The following MAGI1 variants were observed in gnomAD, a reference collection of about 807,000 sequenced individuals.
MAGI1 encodes the protein membrane associated guanylate kinase, WW and PDZ domain containing 1.
Under a neutral mutation model 139.9 loss-of-function variants are expected in MAGI1, and 58 were observed. The ratio of observed to expected loss-of-function variants is 0.41; its 90% confidence interval spans 0.34 to 0.52. MAGI1 has a LOEUF of 0.52. MAGI1 is among the 20% of genes least tolerant of loss of function. The probability of loss-of-function intolerance (pLI) is 0.12; values close to 1 mark genes in which losing one functional copy is unlikely to be tolerated. For missense variants in MAGI1, 1,874 were observed against 1,901.6 expected (o/e 0.99, Z 0.27); for synonymous variants, 812 against 737.9 (o/e 1.10, Z -1.63).
intron 1 of MAGI1, among the ~76,000 whole-genome samples, chr3:65,784,297 C>A (rs539695275): frequency 3.3e-5 from 5 of 152,262 alleles, no homozygotes; most frequent in Non-Finnish European, 7.4e-5. Context: ...TCTAGGTATG[C>A]ATACAAGAGA....
intron 1 of MAGI1, among the ~76,000 whole-genome samples, chr3:65,821,647 T>C (rs1389009921): frequency 6.6e-6 from 1 of 152,202 alleles, no homozygotes; most frequent in East Asian, 1.9e-4. Flanking sequence ...CTAGCAGCTA[T>C]TATGACAAAG....
At chr3:66,022,792 TGTACCTAGA>T (rs2068030880) in intron 1 of MAGI1, among the ~76,000 whole-genome samples, 1 of 152,228 alleles carries the variant, frequency 6.6e-6, no homozygotes, top group Non-Finnish European at 1.5e-5. Context: ...TTATCACATA[TGTACCTAGA>T]GTTCACTTAG....
At chr3:65,638,600 T>TTTTTC (rs1559744631) in intron 1 of MAGI1, among the ~76,000 whole-genome samples, 1 of 63,084 alleles carries the variant, frequency 1.6e-5, no homozygotes, top group Non-Finnish European at 2.8e-5. Flanking sequence ...TCTCCTGATT[T>TTTTTC]TTTTTTTTTT....
chr3:65,381,329 T>C (rs2106900265), intron 16 of MAGI1, among the ~76,000 whole-genome samples: 1 of 152,214 alleles, frequency 6.6e-6, no homozygotes, highest in Middle Eastern at 3.4e-3. Flanking sequence ...GGATATGTAG[T>C]ATTTTGAGAA....
At chr3:65,497,878 T>G (rs2204402) in intron 2 of MAGI1, among the ~76,000 whole-genome samples, 84,881 of 151,936 alleles carry the variant, frequency 0.56, 25,096 homozygotes, top group East Asian at 0.95. Context: ...TAGAGCAGCA[T>G]GGGAAGGGAG....
At chr3:65,566,852 C>T (rs1194457727) in intron 2 of MAGI1, among the ~76,000 whole-genome samples, 1 of 149,130 alleles carries the variant, frequency 6.7e-6, no homozygotes. Context: ...CCGCCTGGGC[C>T]TCCCAAAGTG....
At chr3:65,768,246 C>A (rs957477580) in intron 1 of MAGI1, among the ~76,000 whole-genome samples, 3 of 152,098 alleles carry the variant, frequency 2.0e-5, no homozygotes, top group Non-Finnish European at 4.4e-5. Flanking sequence ...TTGACAAAAC[C>A]TCGTCTCTAC....
chr3:65,941,210 G>A (rs1010182588), intron 1 of MAGI1, among the ~76,000 whole-genome samples: 1 of 152,182 alleles, frequency 6.6e-6, no homozygotes, highest in East Asian at 1.9e-4. Flanking sequence ...AGCTGAGCAT[G>A]GTAGCAGGTG....
chr3:65,454,432 G>A (rs918525539), intron 5 of MAGI1, among the ~76,000 whole-genome samples: 30 of 151,604 alleles, frequency 2.0e-4, no homozygotes, highest in African/African-American at 6.8e-4. Context: ...CCTAATGCTA[G>A]ATGACAAGTT....
intron 1 of MAGI1, among the ~76,000 whole-genome samples, chr3:65,629,506 A>T (rs1369699050): frequency 1.3e-5 from 2 of 152,024 alleles, no homozygotes; most frequent in East Asian, 3.9e-4. Context: ...TTGTAGGAAA[A>T]GTCCATTTAT....
intron 1 of MAGI1, among the ~76,000 whole-genome samples, chr3:66,032,914 C>CAAAAAAAAA (rs58736926): frequency 2.7e-5 from 3 of 110,292 alleles, no homozygotes; most frequent in Non-Finnish European, 3.7e-5. Flanking sequence ...AACTCCATCT[C>CAAAAAAAAA]AAAAAAAAAA....
At chr3:65,532,140 A>C (rs2078743534) in intron 2 of MAGI1, among the ~76,000 whole-genome samples, 1 of 152,194 alleles carries the variant, frequency 6.6e-6, no homozygotes, top group Non-Finnish European at 1.5e-5. Flanking sequence ...CTAAATCCTA[A>C]ACCAAATCAT....
At chr3:65,485,151 C>T (rs577182065) in intron 3 of MAGI1, among the ~76,000 whole-genome samples, 29 of 152,280 alleles carry the variant, frequency 1.9e-4, no homozygotes, top group Admixed American at 1.2e-3. Flanking sequence ...TCTTTCCAGT[C>T]GGTCAATTAC....
At chr3:65,996,340 T>G (rs972609204) in intron 1 of MAGI1, among the ~76,000 whole-genome samples, 1 of 152,318 alleles carries the variant, frequency 6.6e-6, no homozygotes, top group East Asian at 1.9e-4. Context: ...CTTTTTATAC[T>G]GCACCTAACC....
chr3:65,905,142 GT>G (rs1297420985), intron 1 of MAGI1, among the ~76,000 whole-genome samples: 1 of 152,112 alleles, frequency 6.6e-6, no homozygotes, highest in African/African-American at 2.4e-5. Context: ...ATTAAATCTG[GT>G]TTATGTGATT....
chr3:65,937,252 G>GCAAACAGCCTGACA (rs941373640), intron 1 of MAGI1, among the ~76,000 whole-genome samples: 1 of 150,600 alleles, frequency 6.6e-6, no homozygotes, highest in Admixed American at 6.6e-5. Context: ...CAAACACCTT[G>GCAAACAGCCTGACA]AAAACTCTTG....
intron 1 of MAGI1, among the ~76,000 whole-genome samples, chr3:65,742,656 A>G (rs1222741411): frequency 6.6e-6 from 1 of 152,200 alleles, no homozygotes; most frequent in Non-Finnish European, 1.5e-5. Flanking sequence ...GACTTTATTC[A>G]AGACGCCACC....
chr3:65,743,767 G>C (rs1231402088), intron 1 of MAGI1, among the ~76,000 whole-genome samples: 2 of 151,592 alleles, frequency 1.3e-5, no homozygotes. Flanking sequence ...TTTTGTTAAA[G>C]TAATTATTTA....
At chr3:65,727,154 G>A (rs2033712062) in intron 1 of MAGI1, among the ~76,000 whole-genome samples, 1 of 151,942 alleles carries the variant, frequency 6.6e-6, no homozygotes, top group African/African-American at 2.4e-5. Context: ...CTTCACTGTA[G>A]GATTTACAAA....
Sources: allele counts gnomAD v4.1 joint callset (sites outside exome capture counted in the v4.1 genomes callset), GRCh38; gene constraint gnomAD v4.1.1; transcripts MANE v1.5; gene names NCBI Gene and HGNC (gene_info 2026-07-23, HGNC 2026-07-21).